GRIP1: variants seen among roughly 807,000 people sequenced by gnomAD.
The protein encoded by GRIP1 is glutamate receptor interacting protein 1.
GRIP1 carries 45 observed loss-of-function variants against 129.9 expected under a neutral mutation model. The observed-to-expected ratio is 0.35, with a 90% CI of 0.27 to 0.44. The LOEUF (loss-of-function observed/expected upper bound fraction) is 0.44. Ranked by LOEUF, GRIP1 falls within the 20% of genes least tolerant of loss-of-function variation. GRIP1 has a pLI of 1.00. For synonymous variants in GRIP1, 530 were observed against 520.8 expected, an observed-to-expected ratio of 1.02 and a Z score of -0.24; for missense variants, 1,196 against 1,396.8, an observed-to-expected ratio of 0.86 and a Z score of 2.29.
chr12:67,010,473 T>C (rs2042689095), intron 1 of GRIP1, among the ~76,000 whole-genome samples: 1 of 152,180 alleles, frequency 6.6e-6, no homozygotes, highest in Non-Finnish European at 1.5e-5. Context: ...CCCTTTCTAT[T>C]ACGTACAACT....
At chr12:67,069,245 C>T, upstream of GRIP1, 1 of 313,482 alleles carries the variant, frequency 3.2e-6, no homozygotes, top group Non-Finnish European at 4.6e-6. Context: ...GCCGAGGCGG[C>T]TCCCGGGCAC....
At chr12:66,522,428 T>C (rs954270306) in intron 5 of GRIP1, among the ~76,000 whole-genome samples, 1 of 152,180 alleles carries the variant, frequency 6.6e-6, no homozygotes, top group Non-Finnish European at 1.5e-5. Flanking sequence ...CAAACAGGGT[T>C]TGGAGCGGAC....
In GRIP1 at chr12:66,584,410, A is replaced by G. The variant is rs535899029; in HGVS notation, c.136+12437T>C. Among the ~76,000 whole-genome samples, 44 of 152,226 alleles carry G rather than the reference A, an allele frequency of 2.9e-4. No homozygotes were observed. The East Asian group carries it at 8.1e-3, about 28-fold the overall frequency. On this transcript the variant is annotated intron_variant, in intron 2 of 24. Coordinates refer to ENST00000359742, the MANE Select transcript of GRIP1 (RefSeq NM_001366722.1). Reference sequence around the variant, plus strand: ...TACCCTAAAACTTAAAGTATAATAAAAAAAAATACAAAATTAGCCAGGCGT... The same window carrying G: ...TACCCTAAAACTTAAAGTATAATAAGAAAAAATACAAAATTAGCCAGGCGT...
At position 66,432,558 on chromosome 12, in the gene GRIP1, T is replaced by C; in HGVS notation, c.1758A>G (p.Ile586Met). 6.3e-7 allele frequency: 1 copy of C among 1,578,992 alleles called. No homozygotes were observed. ...ATAACTTCTACTTACAACTTATGGT[T>C]ATTCCAAGTTCCACATTGTGCTTCT... ...LPKKHNVELG[I>M]TISSPSSRKP... Residue 586 changes from isoleucine (I) to methionine (M), a missense_variant, in exon 14 of 25, where the codon ATA becomes ATG. Physicochemically the swap from Ile to Met is conservative, Grantham distance 10. Around this residue, in one of 5 missense-constraint regions of GRIP1, gnomAD observed 508 missense variants for 587.0 expected, o/e 0.87. Coordinates refer to ENST00000359742, the MANE Select transcript of GRIP1 (RefSeq NM_001366722.1).
chr12:66,745,085 T>C (rs756714556), intron 1 of GRIP1, among the ~76,000 whole-genome samples: 1 of 149,768 alleles, frequency 6.7e-6, no homozygotes, highest in Non-Finnish European at 1.5e-5. Context: ...ATAAGGTCCA[T>C]AGATAACAAG....
chr12:66,780,161 G>A (rs2038110529), intron 1 of GRIP1, among the ~76,000 whole-genome samples: 4 of 152,168 alleles, frequency 2.6e-5, no homozygotes, highest in Admixed American at 2.6e-4. Context: ...ATCAAACCCG[G>A]AGATGATGTA....
At chr12:66,967,739 T>C (rs562634579) in intron 1 of GRIP1, among the ~76,000 whole-genome samples, 1 of 152,302 alleles carries the variant, frequency 6.6e-6, no homozygotes, top group African/African-American at 2.4e-5. Context: ...TGTAAATATT[T>C]TGGCATTTTC....
At chr12:66,769,310 T>C (rs1394267815) in intron 1 of GRIP1, among the ~76,000 whole-genome samples, 1 of 151,872 alleles carries the variant, frequency 6.6e-6, no homozygotes, top group East Asian at 1.9e-4. Context: ...GAAATGGAGA[T>C]ACTGAGGCCC....
chr12:66,493,051 T>C (rs2138688967), intron 7 of GRIP1, among the ~76,000 whole-genome samples: 1 of 149,876 alleles, frequency 6.7e-6, no homozygotes, highest in Admixed American at 6.6e-5. Context: ...GAATGGTGGG[T>C]GAATACTTTC....
intron 1 of GRIP1, among the ~76,000 whole-genome samples, chr12:67,064,373 C>G (rs2043586227): frequency 6.6e-6 from 1 of 152,208 alleles, no homozygotes; most frequent in African/African-American, 2.4e-5. Flanking sequence ...TTAAATATCT[C>G]TTTAGAAATA....
At chr12:66,598,113 TA>T (rs2064127405) in intron 1 of GRIP1, among the ~76,000 whole-genome samples, 1 of 152,144 alleles carries the variant, frequency 6.6e-6, no homozygotes, top group Non-Finnish European at 1.5e-5. Flanking sequence ...CTATTACATA[TA>T]ACAAGGATTT....
chr12:67,045,681 T>G (rs1157692633), intron 1 of GRIP1, among the ~76,000 whole-genome samples: 8 of 152,138 alleles, frequency 5.3e-5, no homozygotes, highest in Admixed American at 5.2e-4. Flanking sequence ...CAGTTGTAGC[T>G]ACCTTAAGAA....
intron 23 of GRIP1, among the ~76,000 whole-genome samples, chr12:66,360,929 A>G (rs954290346): frequency 1.3e-5 from 2 of 152,216 alleles, no homozygotes; most frequent in Admixed American, 6.5e-5. Context: ...AATGGCCTTG[A>G]GAACCAAACT....
chr12:66,525,696 G>A (rs1033476708), intron 5 of GRIP1, among the ~76,000 whole-genome samples: 14 of 152,044 alleles, frequency 9.2e-5, no homozygotes, highest in Admixed American at 4.6e-4. Flanking sequence ...TTAGGCAGGA[G>A]AAGGAAATAA....
intron 1 of GRIP1, among the ~76,000 whole-genome samples, chr12:66,666,076 G>A (rs1311811144): frequency 2.6e-5 from 4 of 151,964 alleles, no homozygotes; most frequent in South Asian, 2.1e-4. Context: ...AAGCTAGTCA[G>A]GTATGTAACT....
Position 66,368,704 on chromosome 12 carries a change from T to C in GRIP1, c.3012+2990A>G, listed in dbSNP as rs1010852384. On this transcript the variant is annotated intron_variant, in intron 23 of 24. Coordinates refer to ENST00000359742, the MANE Select transcript of GRIP1 (RefSeq NM_001366722.1). ...TTCACAAAGGTTTAATACAGGCTAG[T>C]AGTACCCCAGGGGAAGAGAGCTCCA... Among the ~76,000 whole-genome samples, 4 of 152,196 alleles carry C rather than the reference T, an allele frequency of 2.6e-5. No individual in the cohort carries two copies. The East Asian group carries it at 5.8e-4, about 22-fold the overall frequency.
intron 1 of GRIP1, among the ~76,000 whole-genome samples, chr12:67,020,925 C>T (rs2042857467): frequency 6.6e-6 from 1 of 151,766 alleles, no homozygotes; most frequent in Admixed American, 6.6e-5. Context: ...CATGGTGAAA[C>T]CCCATCTCTA....
chr12:66,962,878 T>C (rs1287314274), intron 1 of GRIP1, among the ~76,000 whole-genome samples: 1 of 152,182 alleles, frequency 6.6e-6, no homozygotes, highest in African/African-American at 2.4e-5. Flanking sequence ...ATTATACACA[T>C]ACATATTCAA....
chr12:66,359,134 CTG>C (rs1218784947), intron 23 of GRIP1, among the ~76,000 whole-genome samples: 1 of 152,196 alleles, frequency 6.6e-6, no homozygotes, highest in Non-Finnish European at 1.5e-5. Context: ...CCTGCAGACT[CTG>C]TGCCTACGGC....
Sources: gnomAD v4.1 joint callset for allele counts (sites outside exome capture counted in the v4.1 genomes callset) on GRCh38, gnomAD v4.1.1 for gene constraint, gnomAD v4.1.1 regional missense constraint, MANE v1.5 for transcripts, NCBI Gene and HGNC (gene_info 2026-07-23, HGNC 2026-07-21) for gene names.